Variants in TICRR observed in about 807,000 individuals in gnomAD.
TICRR encodes treslin.
TICRR carries 132 observed loss-of-function variants against 178.1 expected under a neutral mutation model. That is an observed-to-expected ratio of 0.74 (90% CI 0.64 to 0.86). The LOEUF is 0.86. Ranked by LOEUF, TICRR falls within the 40% of genes least tolerant of loss-of-function variation. The probability of loss-of-function intolerance (pLI) is 0.00; values close to 1 mark genes in which losing one functional copy is unlikely to be tolerated. For missense variants in TICRR, 2,587 were observed against 2,334.3 expected, an observed-to-expected ratio of 1.11 and a Z score of -2.23; for synonymous variants, 991 against 900.7, an observed-to-expected ratio of 1.10 and a Z score of -1.79.
In TICRR at chr15:89,599,337, G is replaced by A. The variant is rs1963053769; in HGVS notation, c.1914G>A (p.Glu638=). Reference sequence around the variant, plus strand: ...TTTTTTTCTCAGATTTTAAAACTGAGGAAGAGCTGCTATCATATATACGTG... The same window carrying A: ...TTTTTTTCTCAGATTTTAAAACTGAAGAAGAGCTGCTATCATATATACGTG... ...RSSKPKDFKT[E]EELLSYIREN... The change falls in exon 8 of 22, where the codon GAG becomes GAA. Residue 638 remains glutamate, a synonymous_variant. Transcript: ENST00000268138. 8 of 1,601,406 alleles carry A rather than the reference G, an allele frequency of 5.0e-6. No individual in the cohort carries two copies. The highest frequency in any genetic ancestry group is 3.3e-4 in the Middle Eastern group (2 of 5,978).
At chr15:89,581,249 G>A (rs1005215181) in intron 1 of TICRR, among the ~76,000 whole-genome samples, 12 of 152,080 alleles carry the variant, frequency 7.9e-5, no homozygotes, top group Admixed American at 5.2e-4. Context: ...ATTGTTACCC[G>A]GCATGATGAG....
chr15:89,627,281 A>T lies in TICRR; in HGVS notation c.*195A>T. ...CCCTGCCCCTTGTTGGGGAAGTTGC[A>T]GGAGGAGAGGTGGATGGCAATGTGA... is the stretch of plus-strand genomic sequence containing the variant. On this transcript the variant is annotated 3_prime_UTR_variant, in exon 22 of 22. Transcript: ENST00000268138. The T allele has an allele frequency of 3.1e-6, 2 of 653,308 alleles. No homozygotes were observed. The highest frequency in any genetic ancestry group is 5.0e-6 in the Non-Finnish European group (2 of 396,290). 40.5% of individuals were successfully genotyped at this position (653,308 alleles called of 1,614,324 possible).
intron 7 of TICRR, 88 bp downstream of exon 7, chr15:89,595,699 G>T: frequency 1.2e-6 from 1 of 869,084 alleles, no homozygotes; most frequent in Non-Finnish European, 1.8e-6. Flanking sequence ...TTGACTATCT[G>T]CTACATGCAC....
chr15:89,613,734 C>CTTTTTTTTTTTTTTTTTT (rs34162195), intron 15 of TICRR, among the ~76,000 whole-genome samples: 3 of 61,570 alleles, frequency 4.9e-5, no homozygotes, highest in African/African-American at 7.5e-5. Flanking sequence ...TTTCTATTCG[C>CTTTTTTTTTTTTTTTTTT]TTTTTTTTTT....
Position 89,594,348 on chromosome 15 carries a change from G to T in TICRR, c.1542-67G>T, listed in dbSNP as rs909587989. 29 of 1,392,950 alleles carry T rather than the reference G, an allele frequency of 2.1e-5. No individual in the cohort carries two copies. In the African/African-American group the frequency reaches 3.2e-4, roughly 15 times the overall value. The allele number at this position is 1,392,950 out of a possible 1,614,324, so 86.3% of individuals were successfully genotyped here. A position where few individuals can be genotyped will look rare whatever the true frequency, so the allele number is the denominator to read the frequency against. ...TTTTTAGAGGATAGTGGGTATTTTG[G>T]TGTTATTTCTAAAGCATTTTGCAAA... On this transcript the variant is annotated intron_variant, in intron 5 of 21. Coordinates refer to ENST00000268138, the MANE Select transcript of TICRR (RefSeq NM_152259.4).
chr15:89,622,745 C>T (rs557626838), intron 19 of TICRR, among the ~76,000 whole-genome samples: 1 of 152,334 alleles, frequency 6.6e-6, no homozygotes, highest in South Asian at 2.1e-4. Context: ...CCATCCTGCA[C>T]AGCCACTGCT....
chr15:89,611,078 G>A (rs1377750633), intron 15 of TICRR, among the ~76,000 whole-genome samples: 1 of 151,078 alleles, frequency 6.6e-6, no homozygotes, highest in Non-Finnish European at 1.5e-5. Context: ...TTACCATAAT[G>A]CTGGCTTTTA....
chr15:89,584,205 T>C, intron 2 of TICRR, 81 bp from the exon 3 acceptor site: 1 of 1,309,532 alleles, frequency 7.6e-7, no homozygotes, highest in Non-Finnish European at 1.0e-6. Flanking sequence ...CTCTTTTTAG[T>C]ATCTATTCCT....
chr15:89,591,000 C>T (rs2141957999), intron 4 of TICRR, among the ~76,000 whole-genome samples: 1 of 152,240 alleles, frequency 6.6e-6, no homozygotes, highest in East Asian at 1.9e-4. Context: ...TTAAGAGAGC[C>T]TTCTACCCTC....
chr15:89,612,390 G>A (rs1413024512), intron 15 of TICRR, among the ~76,000 whole-genome samples: 1 of 152,170 alleles, frequency 6.6e-6, no homozygotes. Context: ...GGCAGTGTCT[G>A]CACTGCTCCT....
At position 89,624,877 on chromosome 15, in the gene TICRR, C is replaced by T. The variant is rs894157; in HGVS notation, c.4567C>T (p.Arg1523Cys). Residue 1523 changes from arginine (R) to cysteine (C), a missense_variant, in exon 20 of 22, where the codon CGT becomes TGT. Physicochemically the swap from Arg to Cys is radical, Grantham distance 180. Transcript: ENST00000268138. ...GCCTGGCTCTCCTCTGATGCCTTCC[C>T]GTGACGTGCACTGTACCACAGATGG... is the stretch of plus-strand genomic sequence containing the variant. Reference protein sequence around the residue: ...CGPGSPLMPSRDVHCTTDGRQ... With the variant: ...CGPGSPLMPSCDVHCTTDGRQ... 1,445,635 of 1,614,006 alleles carry T rather than the reference C, an allele frequency of 0.9. 650,231 individuals are homozygous for T. The highest frequency in any genetic ancestry group is 0.96 in the African/African-American group (72,027 of 75,010).
intron 11 of TICRR, 22 bp from the exon 12 acceptor site, chr15:89,601,715 A>G (rs1963101851): frequency 6.2e-7 from 1 of 1,614,016 alleles, no homozygotes; most frequent in Non-Finnish European, 8.5e-7. Context: ...ACTGTTCCGT[A>G]TTCGATCAAT....
At chr15:89,596,162 G>A (rs905082868) in intron 7 of TICRR, among the ~76,000 whole-genome samples, 3 of 152,206 alleles carry the variant, frequency 2.0e-5, no homozygotes, top group Middle Eastern at 3.4e-3. Flanking sequence ...CAATAATTCC[G>A]TGAGAAAGAC....
intron 13 of TICRR, among the ~76,000 whole-genome samples, chr15:89,603,462 G>A (rs894892079): frequency 1.3e-5 from 2 of 152,164 alleles, no homozygotes; most frequent in Admixed American, 6.5e-5. Flanking sequence ...GCACATGCCT[G>A]TAGGCCCAGC....
chr15:89,579,195 A>T (rs1214545842), intron 1 of TICRR, among the ~76,000 whole-genome samples: 1 of 152,200 alleles, frequency 6.6e-6, no homozygotes, highest in East Asian at 1.9e-4. Context: ...AATCAAATAG[A>T]TGTGGTCCCT....
chr15:89,585,731 A>AGGCT lies in TICRR; in HGVS notation c.1203_1204insTGGC (p.Arg402TrpfsTer28). The AGGCT allele has an allele frequency of 6.2e-7, 1 of 1,614,050 alleles. No homozygotes were observed. The highest frequency in any genetic ancestry group is 8.5e-7 in the Non-Finnish European group (1 of 1,179,948). The stretch of plus-strand genomic sequence containing the variant: ...AGGTTGCTGATGTGGACCCTGGTGA[A>AGGCT]GGCCGGCCCCCCATCACTGGAGTTA... On this transcript the variant is annotated frameshift_variant, in exon 4 of 22. Transcript: ENST00000268138. LOFTEE classifies it high-confidence loss of function.
chr15:89,578,118 C>T (rs911291906), intron 1 of TICRR, among the ~76,000 whole-genome samples: 1 of 151,944 alleles, frequency 6.6e-6, no homozygotes, highest in Non-Finnish European at 1.5e-5. Context: ...CAGGAGAGGC[C>T]GATCTGTAGG....
chr15:89,601,532 C>G lies in TICRR; in HGVS notation c.2291C>G (p.Ala764Gly). Residue 764 changes from alanine (A) to glycine (G), a missense_variant, in exon 11 of 22, where the codon GCG (alanine) becomes GGG (glycine). Coordinates refer to ENST00000268138, the MANE Select transcript of TICRR (RefSeq NM_152259.4). ...ATGGTGTGTTTAACTGAGGATTCAG[C>G]GTACCTAGCAGAGTTTCTGGAGGAA... ...LRMVCLTEDS[A>G]YLAEFLEEIL... 2 of 1,614,150 alleles carry G rather than the reference C, an allele frequency of 1.2e-6. No individual in the cohort carries two copies. Among genetic ancestry groups the G allele is most frequent in the East Asian group, 2.2e-5 (1 of 44,884 alleles).
chr15:89,585,147 G>T (rs193273489), intron 3 of TICRR, among the ~76,000 whole-genome samples: 298 of 152,290 alleles, frequency 2.0e-3, no homozygotes, highest in African/African-American at 6.7e-3. Context: ...AAATATTCTA[G>T]AGAAAAATAC....
Sources: gnomAD v4.1 joint callset for allele counts (sites outside exome capture counted in the v4.1 genomes callset) on GRCh38, gnomAD v4.1.1 for gene constraint, MANE v1.5 for transcripts, NCBI Gene and HGNC (gene_info 2026-07-23, HGNC 2026-07-21) for gene names.